CTTNBP2NL: variants seen among roughly 807,000 people sequenced by gnomAD.
The protein encoded by CTTNBP2NL is CTTNBP2 N-terminal-like protein.
CTTNBP2NL carries 16 observed loss-of-function variants against 32.5 expected under a neutral mutation model. The observed-to-expected ratio is 0.49, with a 90% CI of 0.33 to 0.75. The LOEUF is 0.75. Among genes scored for constraint, CTTNBP2NL ranks in the 30% least tolerant of loss-of-function variants. CTTNBP2NL has a pLI of 0.02. For synonymous variants in CTTNBP2NL, 298 were observed against 289.4 expected, an observed-to-expected ratio of 1.03 and a Z score of -0.30; for missense variants, 645 against 756.0, an observed-to-expected ratio of 0.85 and a Z score of 1.72.
chr1:112,444,117 C>T (rs1370345302), intron 3 of CTTNBP2NL, among the ~76,000 whole-genome samples: 1 of 152,154 alleles, frequency 6.6e-6, no homozygotes, highest in Non-Finnish European at 1.5e-5. Context: ...TCTTTAGTGG[C>T]AAAAATACAT....
At chr1:112,393,852 A>G (rs1000338718), upstream of CTTNBP2NL, among the ~76,000 whole-genome samples, 1 of 152,198 alleles carries the variant, frequency 6.6e-6, no homozygotes, top group African/African-American at 2.4e-5. Context: ...GCTCCCACCC[A>G]GTCAGCCAGG....
intron 4 of CTTNBP2NL, among the ~76,000 whole-genome samples, chr1:112,450,303 TAGAC>T (rs1386811194): frequency 3.3e-5 from 5 of 152,254 alleles, no homozygotes; most frequent in Admixed American, 1.3e-4. Flanking sequence ...CCCCAGAAAA[TAGAC>T]AGAATGTTCA....
Position 112,448,975 on chromosome 1 carries a change from T to C in CTTNBP2NL, c.133T>C (p.Tyr45His). 6.2e-7 allele frequency: 1 copy of C among 1,612,306 alleles called. No individual in the cohort carries two copies. Among genetic ancestry groups the C allele is most frequent in the Non-Finnish European group, 8.5e-7 (1 of 1,178,384 alleles). Reference protein sequence around the residue: ...QHRDTFIEERYGKYNISDPLM... With the variant: ...QHRDTFIEERHGKYNISDPLM... The stretch of plus-strand genomic sequence containing the variant: ...CAGAGATACTTTCATTGAAGAACGC[T>C]ATGGAAAATATAACATCAGTGATCC... Residue 45 changes from tyrosine to histidine, a missense_variant, in exon 4 of 6, where the codon TAT (tyrosine) becomes CAT (histidine). Tyr to His is a moderately conservative substitution (Grantham distance 83). Transcript: ENST00000271277.
Position 112,416,391 on chromosome 1 carries a change from G to GGCGA in CTTNBP2NL, c.99+127_99+128insGCGA. On this transcript the variant is annotated intron_variant, in intron 3 of 5. Transcript: ENST00000271277. ...TTAAATGGAGGACATACTGATACTTGCCATAGGTAGCCACCTACATTGTGT... is the reference window on the plus strand; with the variant it reads ...TTAAATGGAGGACATACTGATACTTGGCGACCATAGGTAGCCACCTACATTGTGT... 3 of 577,824 alleles carry GGCGA rather than the reference G, an allele frequency of 5.2e-6. No individual in the cohort carries two copies. In the South Asian group the frequency reaches 6.7e-5, roughly 13 times the overall value. The allele number at this position is 577,824 out of a possible 1,614,324, so 35.8% of individuals were successfully genotyped here.
intron 3 of CTTNBP2NL, among the ~76,000 whole-genome samples, chr1:112,420,176 C>T (rs1323491458): frequency 2.9e-5 from 4 of 136,848 alleles, no homozygotes; most frequent in South Asian, 5.3e-4. Flanking sequence ...GATGAAGTCT[C>T]GCTCTGTTGC....
At chr1:112,428,705 A>G (rs7536263) in intron 3 of CTTNBP2NL, among the ~76,000 whole-genome samples, 55,363 of 151,878 alleles carry the variant, frequency 0.36, 10,361 homozygotes, top group East Asian at 0.55. Context: ...AAATTTCACT[A>G]GAATTTACTT....
At position 112,460,559 on chromosome 1, in the gene CTTNBP2NL, G is replaced by C. The variant is rs994322543; in HGVS notation, c.*3147G>C. ...ATATGCCTATATGCAAAATTTGTTT[G>C]ATGGCTTCATAGGATCCAAAGACCC... On this transcript the variant is annotated 3_prime_UTR_variant, in exon 6 of 6. Coordinates refer to ENST00000271277, the MANE Select transcript of CTTNBP2NL (RefSeq NM_018704.3). The C allele has an allele frequency of 6.6e-6, 1 of 152,150 alleles. No individual in the cohort carries two copies. Among genetic ancestry groups the C allele is most frequent in the Non-Finnish European group, 1.5e-5 (1 of 68,014 alleles). The allele number at this position is 152,150 out of a possible 1,614,324, so 9.4% of individuals were successfully genotyped here. A position where few individuals can be genotyped will look rare whatever the true frequency, so the allele number is the denominator to read the frequency against.
rs112446824 is a variant in CTTNBP2NL at position 112,460,887 on chromosome 1, T to TTGTGTG, written c.*3487_*3492dup. 6.6e-6 allele frequency: 1 copy of TTGTGTG among 150,706 alleles called. No homozygotes were observed. The highest frequency in any genetic ancestry group is 2.4e-5 in the African/African-American group (1 of 41,042). The allele number at this position is 150,706 out of a possible 1,614,324, so 9.3% of individuals were successfully genotyped here. A position where few individuals can be genotyped will look rare whatever the true frequency, so the allele number is the denominator to read the frequency against. On this transcript the variant is annotated 3_prime_UTR_variant, in exon 6 of 6. Coordinates refer to ENST00000271277, the MANE Select transcript of CTTNBP2NL (RefSeq NM_018704.3). ...CTGTCAGCAGTGCTGCCTTGTCAATTTGTGTGTGTGTGTGTGTATGTGTGT... is the reference window on the plus strand; with the variant it reads ...CTGTCAGCAGTGCTGCCTTGTCAATTTGTGTGTGTGTGTGTGTGTGTGTATGTGTGT...
At chr1:112,409,577 G>C (rs1383343143) in intron 1 of CTTNBP2NL, among the ~76,000 whole-genome samples, 1 of 152,104 alleles carries the variant, frequency 6.6e-6, no homozygotes. Flanking sequence ...CCAGATAATA[G>C]ACAGACAAAC....
chr1:112,443,113 A>G (rs534758537), intron 3 of CTTNBP2NL, among the ~76,000 whole-genome samples: 1 of 152,252 alleles, frequency 6.6e-6, no homozygotes, highest in South Asian at 2.1e-4. Context: ...GTCAAATAAT[A>G]ATAAATGGTC....
At chr1:112,407,384 T>C (rs1050831102) in intron 1 of CTTNBP2NL, among the ~76,000 whole-genome samples, 1 of 152,188 alleles carries the variant, frequency 6.6e-6, no homozygotes, top group Non-Finnish European at 1.5e-5. Context: ...CTGAGATCAA[T>C]GTGTGGGCAA....
upstream of CTTNBP2NL, among the ~76,000 whole-genome samples, chr1:112,394,203 G>A (rs1020847482): frequency 9.4e-5 from 12 of 127,998 alleles, no homozygotes; most frequent in East Asian, 1.3e-3. Flanking sequence ...ACTCCATCTC[G>A]ATAAAAAAAA....
chr1:112,452,047 T>C (rs972027111), intron 4 of CTTNBP2NL, among the ~76,000 whole-genome samples: 9 of 152,168 alleles, frequency 5.9e-5, no homozygotes, highest in Non-Finnish European at 8.8e-5. Flanking sequence ...ATTTCTGTAA[T>C]TTTTGAGGAC....
chr1:112,439,481 G>A (rs941397100), intron 3 of CTTNBP2NL, among the ~76,000 whole-genome samples: 5 of 152,084 alleles, frequency 3.3e-5, no homozygotes, highest in Admixed American at 1.3e-4. Context: ...TCACAGTTAC[G>A]CAGCTTCAGA....
chr1:112,454,397 A>G, intron 4 of CTTNBP2NL, 52 bp from the exon 5 acceptor site: 1 of 1,365,132 alleles, frequency 7.3e-7, no homozygotes, highest in Non-Finnish European at 1.0e-6. Context: ...GGTTGTATTA[A>G]TAAATGTGAC....
At chr1:112,401,397 C>T (rs1177395444) in intron 1 of CTTNBP2NL, among the ~76,000 whole-genome samples, 1 of 152,164 alleles carries the variant, frequency 6.6e-6, no homozygotes, top group Non-Finnish European at 1.5e-5. Context: ...GCAAGGGATT[C>T]AGCTAGCCGA....
chr1:112,435,134 CTCTG>C (rs1649692667), intron 3 of CTTNBP2NL, among the ~76,000 whole-genome samples: 1 of 106,178 alleles, frequency 9.4e-6, no homozygotes, highest in Non-Finnish European at 1.8e-5. Flanking sequence ...CAGAGCAAGA[CTCTG>C]TCTCAAAAAA....
rs748060649 is a variant in CTTNBP2NL, at chr1:112,454,488, C to T, written c.370C>T (p.Gln124Ter). 6.2e-7 allele frequency: 1 copy of T among 1,613,842 alleles called. No individual in the cohort carries two copies. The highest frequency in any genetic ancestry group is 8.5e-7 in the Non-Finnish European group (1 of 1,179,904). The change falls in exon 5 of 6, where the codon CAG (glutamine) becomes TAG (stop). Residue 124 changes from glutamine to a stop codon, truncating the protein, a stop_gained. Coordinates refer to ENST00000271277, the MANE Select transcript of CTTNBP2NL (RefSeq NM_018704.3). LOFTEE classifies it high-confidence loss of function. ...TGAGGAAGAAAGGCAGCGGCATGCA[C>T]AGGATACGGCTGAAGGAGATGATGT... is the stretch of plus-strand genomic sequence containing the variant. ...DLEEERQRHA[Q>*]DTAEGDDVTY... is the part of the protein sequence containing the mutation.
Position 112,435,163 on chromosome 1 carries a change from AG to A in CTTNBP2NL, c.100-13778del, listed in dbSNP as rs1203972331. On this transcript the variant is annotated intron_variant, in intron 3 of 5. Transcript: ENST00000271277. ...GTCTCAAAAAAAAAAAAAAAAAAAA[AG>A]AAGTGTACCCAATAAATGTTCATAG... 4.0e-5 allele frequency among the ~76,000 whole-genome samples: 6 copies of A among 150,270 alleles called. No homozygotes were observed. In the East Asian group the frequency reaches 1.2e-3, roughly 29 times the overall value.
Sources: gnomAD v4.1 joint callset for allele counts (sites outside exome capture counted in the v4.1 genomes callset) on GRCh38, gnomAD v4.1.1 for gene constraint, MANE v1.5 for transcripts, NCBI Gene and HGNC (gene_info 2026-07-23, HGNC 2026-07-21) for gene names.